CNTN5: variants seen among roughly 807,000 people sequenced by gnomAD.
The protein encoded by CNTN5 is contactin-5.
CNTN5 carries 77 observed loss-of-function variants against 129.1 expected under a neutral mutation model. That is an observed-to-expected ratio of 0.60 (90% CI 0.50 to 0.72). The LOEUF (loss-of-function observed/expected upper bound fraction) is 0.72, where lower values mean the gene tolerates loss of function less well. Among genes scored for constraint, CNTN5 ranks in the 30% least tolerant of loss-of-function variants. CNTN5 has a pLI of 0.00. For missense variants in CNTN5, 1,478 were observed against 1,328.8 expected (o/e 1.11, Z -1.75); for synonymous variants, 509 against 465.6 (o/e 1.09, Z -1.20).
intron 1 of CNTN5, among the ~76,000 whole-genome samples, chr11:99,230,237 A>C (rs1206164509): frequency 6.6e-6 from 1 of 152,100 alleles, no homozygotes; most frequent in East Asian, 1.9e-4. Flanking sequence ...GTCCCCAGTC[A>C]TGCTTGCTCC....
At chr11:100,354,220 A>G (rs1054342882) in intron 24 of CNTN5, among the ~76,000 whole-genome samples, 1 of 151,656 alleles carries the variant, frequency 6.6e-6, no homozygotes, top group Non-Finnish European at 1.5e-5. Context: ...TGTGACATAC[A>G]ATAATCATTT....
chr11:100,258,000 A>C (rs1047515960), intron 17 of CNTN5, among the ~76,000 whole-genome samples: 4 of 152,178 alleles, frequency 2.6e-5, no homozygotes, highest in African/African-American at 9.7e-5. Flanking sequence ...AAGCTAAAGG[A>C]GCATGTTCTA....
At chr11:99,238,288 C>T (rs1861379097) in intron 1 of CNTN5, among the ~76,000 whole-genome samples, 1 of 152,064 alleles carries the variant, frequency 6.6e-6, no homozygotes, top group Non-Finnish European at 1.5e-5. Context: ...TAATAAGACA[C>T]TTTAGAAAGT....
chr11:99,588,540 C>T (rs1949879805), intron 3 of CNTN5, among the ~76,000 whole-genome samples: 1 of 152,052 alleles, frequency 6.6e-6, no homozygotes, highest in Admixed American at 6.6e-5. Context: ...AATAATGAAA[C>T]ATTAAACCCC....
intron 1 of CNTN5, among the ~76,000 whole-genome samples, chr11:99,159,615 C>T (rs2135510286): frequency 6.6e-6 from 1 of 152,252 alleles, no homozygotes; most frequent in African/African-American, 2.4e-5. Context: ...GAGCGAGACT[C>T]TGTCTCAAAA....
intron 3 of CNTN5, among the ~76,000 whole-genome samples, chr11:99,795,675 T>A (rs1945909943): frequency 6.6e-6 from 1 of 152,026 alleles, no homozygotes; most frequent in African/African-American, 2.4e-5. Context: ...AAAATTATCT[T>A]CTTTGGTGTC....
intron 4 of CNTN5, among the ~76,000 whole-genome samples, chr11:99,820,803 C>T (rs1303725556): frequency 6.6e-6 from 1 of 152,212 alleles, no homozygotes; most frequent in Non-Finnish European, 1.5e-5. Context: ...GACTAGTACA[C>T]TTAGGCTGCA....
chr11:99,260,421 G>A (rs1259822396), intron 1 of CNTN5, among the ~76,000 whole-genome samples: 1 of 151,682 alleles, frequency 6.6e-6, no homozygotes, highest in African/African-American at 2.4e-5. Context: ...TTTGTTCACA[G>A]GTGCCTACTG....
At chr11:100,313,138 A>G (rs575627732) in intron 21 of CNTN5, among the ~76,000 whole-genome samples, 12 of 152,166 alleles carry the variant, frequency 7.9e-5, no homozygotes, top group African/African-American at 2.6e-4. Context: ...AGCCATTGAG[A>G]CAATTTAAGG....
chr11:100,294,592 TGAGG>T (rs1342523431), intron 18 of CNTN5, among the ~76,000 whole-genome samples: 2 of 151,720 alleles, frequency 1.3e-5, no homozygotes, highest in Non-Finnish European at 3.0e-5. Flanking sequence ...AGTAGTTGAC[TGAGG>T]AAGAAGAGTC....
intron 1 of CNTN5, among the ~76,000 whole-genome samples, chr11:99,261,978 G>A (rs867942561): frequency 6.6e-6 from 1 of 151,968 alleles, no homozygotes; most frequent in Non-Finnish European, 1.5e-5. Context: ...ATATTCCTTA[G>A]CCTAAAATCT....
At chr11:100,252,515 T>C (rs1949983933) in intron 16 of CNTN5, among the ~76,000 whole-genome samples, 1 of 152,208 alleles carries the variant, frequency 6.6e-6, no homozygotes, top group Non-Finnish European at 1.5e-5. Context: ...GCACTTCCTC[T>C]ATATTTTTTT....
chr11:100,011,107 G>C (rs964633818), intron 9 of CNTN5, among the ~76,000 whole-genome samples: 51 of 152,100 alleles, frequency 3.4e-4, no homozygotes, highest in African/African-American at 1.2e-3. Context: ...CAGGAGGTGT[G>C]TTACTGCCTT....
intron 21 of CNTN5, among the ~76,000 whole-genome samples, chr11:100,311,492 A>G (rs1951472272): frequency 6.6e-6 from 1 of 152,006 alleles, no homozygotes; most frequent in Admixed American, 6.6e-5. Context: ...ATGGGAAATC[A>G]TAAGGTTATA....
In CNTN5 at chr11:100,002,132, G is replaced by A. The variant is rs200702490; in HGVS notation, c.976G>A (p.Gly326Ser). Residue 326 changes from glycine to serine, a missense_variant, in exon 9 of 25, where the codon GGC (glycine) becomes AGC (serine). Physicochemically the swap from Gly to Ser is moderately conservative, Grantham distance 56 (BLOSUM62 0). Coordinates refer to ENST00000524871, the MANE Select transcript of CNTN5 (RefSeq NM_014361.4). Reference protein sequence around the residue: ...TTVKMECFALGNPVPTITWMK... With the variant: ...TTVKMECFALSNPVPTITWMK... ...TGTTAAGATGGAATGCTTTGCACTTGGCAAGTAAGTACATGTTCTTCCATA... is the reference window on the plus strand; with the variant it reads ...TGTTAAGATGGAATGCTTTGCACTTAGCAAGTAAGTACATGTTCTTCCATA... 61 of 1,551,900 alleles carry A rather than the reference G, an allele frequency of 3.9e-5. No individual in the cohort carries two copies. Among genetic ancestry groups the A allele is most frequent in the Non-Finnish European group, 4.9e-5 (57 of 1,154,546 alleles).
At chr11:99,814,029 A>C (rs1197003779) in intron 3 of CNTN5, among the ~76,000 whole-genome samples, 1 of 152,132 alleles carries the variant, frequency 6.6e-6, no homozygotes, top group East Asian at 1.9e-4. Flanking sequence ...GGTCATGATA[A>C]TTTTATTTAA....
intron 3 of CNTN5, among the ~76,000 whole-genome samples, chr11:99,598,398 TTCCCTCCCTCTCTCCCTCCCTTCC>T: frequency 2.9e-5 from 3 of 102,766 alleles, no homozygotes; most frequent in African/African-American, 1.1e-4. Flanking sequence ...GTCTCCTTCC[TTCCCTCCCTCTCTCCCTCCCTTCC>T]TTCCTCCCTC....
At chr11:100,138,490 T>C (rs1406883190) in intron 13 of CNTN5, among the ~76,000 whole-genome samples, 1 of 151,930 alleles carries the variant, frequency 6.6e-6, no homozygotes, top group East Asian at 1.9e-4. Flanking sequence ...AATAAATGGG[T>C]AAATGGAATA....
intron 2 of CNTN5, among the ~76,000 whole-genome samples, chr11:99,403,379 AT>A (rs966766499): frequency 7.9e-5 from 12 of 151,252 alleles, no homozygotes; most frequent in Admixed American, 2.6e-4. Context: ...TCATTTTATC[AT>A]TTTTTTTCTT....
Sources: allele counts gnomAD v4.1 joint callset (sites outside exome capture counted in the v4.1 genomes callset), GRCh38; gene constraint gnomAD v4.1.1; transcripts MANE v1.5; gene names NCBI Gene and HGNC (gene_info 2026-07-23, HGNC 2026-07-21).